Variants in PDE4D observed in about 807,000 individuals in gnomAD.
PDE4D encodes the protein phosphodiesterase 4D.
Under a neutral mutation model 87.4 loss-of-function variants are expected in PDE4D, and 24 were observed. That is an observed-to-expected ratio of 0.27 (90% CI 0.20 to 0.39). The LOEUF is 0.39. Ranked by LOEUF, PDE4D falls within the 10% of genes least tolerant of loss-of-function variation. The pLI is 1.00. For synonymous variants in PDE4D, 384 were observed against 383.2 expected (o/e 1.00, Z -0.02); for missense variants, 714 against 1,041.0 (o/e 0.69, Z 4.32).
chr5:59,689,504 T>C lies in PDE4D; in HGVS notation c.455+203664A>G, dbSNP rs1478896075. Among the ~76,000 whole-genome samples, 6 of 152,126 alleles carry C rather than the reference T, an allele frequency of 3.9e-5. 1 individual carries two copies. Among genetic ancestry groups the C allele is most frequent in the Admixed American group, 3.9e-4 (6 of 15,268 alleles). Reference sequence around the variant, plus strand: ...CTCTCAATAGATGCAGAAAAGGCGTTTGACAAAATTCAACAACCCTTCATG... The same window carrying C: ...CTCTCAATAGATGCAGAAAAGGCGTCTGACAAAATTCAACAACCCTTCATG... On this transcript the variant is annotated intron_variant, in intron 1 of 14. Transcript: ENST00000340635.
intron 1 of PDE4D, among the ~76,000 whole-genome samples, chr5:59,458,974 T>G (rs777693187): frequency 6.6e-6 from 1 of 152,236 alleles, no homozygotes; most frequent in Non-Finnish European, 1.5e-5. Context: ...GAGGTTTATA[T>G]TTATCTTAGT....
intron 5 of PDE4D, among the ~76,000 whole-genome samples, chr5:59,130,738 G>A (rs148998357): frequency 1.1e-3 from 161 of 152,310 alleles, no homozygotes; most frequent in African/African-American, 3.5e-3. Flanking sequence ...GAGCACTGGA[G>A]AAAAAGTTCT....
intron 5 of PDE4D, among the ~76,000 whole-genome samples, chr5:59,110,102 T>G (rs114932843): frequency 0.012 from 1,855 of 152,320 alleles, 48 homozygotes; most frequent in African/African-American, 0.042. Flanking sequence ...CCATGTTATG[T>G]ACTATTTAGC....
chr5:59,547,192 G>T (rs1817413103), intron 1 of PDE4D, among the ~76,000 whole-genome samples: 1 of 152,044 alleles, frequency 6.6e-6, no homozygotes, highest in Admixed American at 6.6e-5. Flanking sequence ...CAATTTTGAA[G>T]TATTTGTTAA....
rs1013219783 is a variant in PDE4D at position 58,970,018 on chromosome 5, G to C, written c.*4646C>G. On this transcript the variant is annotated 3_prime_UTR_variant, in exon 15 of 15. Coordinates refer to ENST00000340635, the MANE Select transcript of PDE4D (RefSeq NM_001104631.2). The stretch of plus-strand genomic sequence containing the variant: ...CAGTATCCTAAGAGACATGCTGATT[G>C]AACTATAATTTAAAATGAATAATCT... 6.6e-6 allele frequency: 1 copy of C among 152,020 alleles called. No homozygotes were observed. The highest frequency in any genetic ancestry group is 1.5e-5 in the Non-Finnish European group (1 of 67,998). 9.4% of individuals were successfully genotyped at this position (152,020 alleles called of 1,614,324 possible).
chr5:60,156,349 T>C (rs1037471402), intron 2 of PDE4D, among the ~76,000 whole-genome samples: 7 of 152,346 alleles, frequency 4.6e-5, no homozygotes, highest in African/African-American at 1.7e-4. Context: ...AACTCATGTC[T>C]TTTTTTGACT....
chr5:59,528,871 C>T (rs1813641693), intron 1 of PDE4D: 2 of 295,516 alleles, frequency 6.8e-6, no homozygotes, highest in Admixed American at 4.3e-5. Flanking sequence ...AATGTCATTC[C>T]CAAAGTTTAC....
At chr5:60,355,237 T>C (rs1462611379) in intron 1 of PDE4D, among the ~76,000 whole-genome samples, 3 of 152,236 alleles carry the variant, frequency 2.0e-5, no homozygotes, top group African/African-American at 7.2e-5. Context: ...CTGTGACCTT[T>C]GGTCACCTGA....
At chr5:59,743,910 G>A (rs554829073) in intron 1 of PDE4D, among the ~76,000 whole-genome samples, 12 of 152,096 alleles carry the variant, frequency 7.9e-5, no homozygotes, top group Admixed American at 2.6e-4. Flanking sequence ...ATCAGAAAAT[G>A]TCTTTGGAAG....
intron 1 of PDE4D, among the ~76,000 whole-genome samples, chr5:60,505,411 C>T (rs988299792): frequency 1.3e-5 from 2 of 152,186 alleles, no homozygotes; most frequent in Non-Finnish European, 2.9e-5. Context: ...ATCCTTTTCT[C>T]TACCCAGCTC....
intron 1 of PDE4D, among the ~76,000 whole-genome samples, chr5:59,520,888 C>T (rs997404680): frequency 8.6e-6 from 1 of 116,236 alleles, no homozygotes; most frequent in Non-Finnish European, 1.6e-5. Context: ...TACATATATA[C>T]ACATATATAC....
At chr5:60,487,915 TA>T (rs3214934) in intron 1 of PDE4D, 106,883 of 151,868 alleles carry the variant, frequency 0.7, 38,632 homozygotes, top group African/African-American at 0.88. Context: ...TTACTGAGCT[TA>T]AAAAAAAAAT....
In PDE4D at chr5:59,442,182, G is replaced by T. The variant is rs150855388; in HGVS notation, c.456-226214C>A. Among the ~76,000 whole-genome samples the T allele has an allele frequency of 1.4e-4, 22 of 152,290 alleles. No individual in the cohort carries two copies. The East Asian group carries it at 4.2e-3, about 29-fold the overall frequency. Reference sequence around the variant, plus strand: ...ATGAAAGATAAGGCTTTGTGAGAGAGAAGTAAAAGAAATTATAGGCAGTAT... The same window carrying T: ...ATGAAAGATAAGGCTTTGTGAGAGATAAGTAAAAGAAATTATAGGCAGTAT... On this transcript the variant is annotated intron_variant, in intron 1 of 14. Coordinates refer to ENST00000340635, the MANE Select transcript of PDE4D (RefSeq NM_001104631.2).
intron 5 of PDE4D, among the ~76,000 whole-genome samples, chr5:59,163,811 G>A (rs897657541): frequency 1.8e-4 from 27 of 152,130 alleles, no homozygotes; most frequent in Admixed American, 1.4e-3. Flanking sequence ...TGTGTCTGAG[G>A]AATGTTTATC....
intron 1 of PDE4D, among the ~76,000 whole-genome samples, chr5:59,219,419 A>C (rs1250609517): frequency 6.6e-6 from 1 of 152,120 alleles, no homozygotes; most frequent in African/African-American, 2.4e-5. Flanking sequence ...CCATGATATT[A>C]AATCCTCTTA....
At chr5:60,354,785 T>C (rs1246741505) in intron 1 of PDE4D, among the ~76,000 whole-genome samples, 1 of 152,074 alleles carries the variant, frequency 6.6e-6, no homozygotes, top group African/African-American at 2.4e-5. Flanking sequence ...TTAATGTCAT[T>C]GAAAAAATAG....
intron 1 of PDE4D, among the ~76,000 whole-genome samples, chr5:60,235,106 G>A (rs1354532672): frequency 2.6e-5 from 4 of 151,750 alleles, no homozygotes. Flanking sequence ...CAATTAAAAT[G>A]TGTATGATAA....
intron 1 of PDE4D, among the ~76,000 whole-genome samples, chr5:60,481,460 G>A (rs1748725867): frequency 6.6e-6 from 1 of 152,040 alleles, no homozygotes; most frequent in South Asian, 2.1e-4. Flanking sequence ...TATAAACCAA[G>A]CTTATGTTAG....
chr5:60,074,900 G>A (rs1053665756), intron 2 of PDE4D, among the ~76,000 whole-genome samples: 3 of 152,114 alleles, frequency 2.0e-5, no homozygotes, highest in Middle Eastern at 3.4e-3. Context: ...GGGTGTCACC[G>A]CATATGAGAT....
Sources: allele counts gnomAD v4.1 joint callset (sites outside exome capture counted in the v4.1 genomes callset), GRCh38; gene constraint gnomAD v4.1.1; transcripts MANE v1.5; gene names NCBI Gene and HGNC (gene_info 2026-07-23, HGNC 2026-07-21).